PLA2G4C: variants seen among roughly 807,000 people sequenced by gnomAD.
PLA2G4C encodes the protein cytosolic phospholipase A2 gamma.
PLA2G4C carries 64 observed loss-of-function variants against 73.8 expected under a neutral mutation model. The observed-to-expected ratio is 0.87, with a 90% CI of 0.71 to 1.07. The LOEUF is 1.07. Ranked by LOEUF, PLA2G4C falls within the 50% of genes least tolerant of loss-of-function variation. The pLI is 0.00. For synonymous variants in PLA2G4C, 254 were observed against 252.1 expected, an observed-to-expected ratio of 1.01 and a Z score of -0.07; for missense variants, 622 against 665.4, an observed-to-expected ratio of 0.93 and a Z score of 0.72.
intron 7 of PLA2G4C, among the ~76,000 whole-genome samples, chr19:48,091,958 A>C (rs2122636777): frequency 6.6e-6 from 1 of 151,874 alleles, no homozygotes; most frequent in Middle Eastern, 3.4e-3. Context: ...CCAGAAAACA[A>C]TAAGTGTTGA....
chr19:48,078,495 G>T (rs1466195378), intron 10 of PLA2G4C, among the ~76,000 whole-genome samples: 1 of 152,104 alleles, frequency 6.6e-6, no homozygotes, highest in Non-Finnish European at 1.5e-5. Flanking sequence ...AAGCTCCTAG[G>T]TCTGATGAAT....
chr19:48,106,492 C>T, intron 2 of PLA2G4C, 30 bp downstream of exon 2: 1 of 1,553,734 alleles, frequency 6.4e-7, no homozygotes. Flanking sequence ...GCTCTGCTTC[C>T]CCATAGTGGT....
At chr19:48,091,756 G>A (rs917078357) in intron 7 of PLA2G4C, among the ~76,000 whole-genome samples, 1 of 151,908 alleles carries the variant, frequency 6.6e-6, no homozygotes, top group South Asian at 2.1e-4. Flanking sequence ...CAGGCCTGGT[G>A]GTATGCACCT....
At chr19:48,107,005 C>T (rs947870951) in intron 1 of PLA2G4C, among the ~76,000 whole-genome samples, 2 of 152,028 alleles carry the variant, frequency 1.3e-5, no homozygotes, top group African/African-American at 4.8e-5. Context: ...CCACCATGCC[C>T]GGCTAATTTT....
chr19:48,053,367 T>TC (rs1555740859), intron 15 of PLA2G4C, among the ~76,000 whole-genome samples: 494 of 132,408 alleles, frequency 3.7e-3, no homozygotes, highest in African/African-American at 0.013. Flanking sequence ...CTTTTTTCTT[T>TC]TTTTTTTTTT....
rs115349574 is a variant in PLA2G4C at position 48,098,226 on chromosome 19, G to C, written c.481C>G (p.Pro161Ala). 1.3e-3 allele frequency: 2,128 copies of C among 1,613,420 alleles called. 29 individuals carry two copies. In the African/African-American group the frequency reaches 0.025, roughly 19 times the overall value. Residue 161 changes from proline to alanine, a missense_variant, in exon 6 of 17, where the codon CCC becomes GCC. By Grantham distance (27) the Pro-to-Ala change is conservative (BLOSUM62 -1). Coordinates refer to ENST00000599921, the MANE Select transcript of PLA2G4C (RefSeq NM_003706.3). ...PESHLSNMKK[P>A]VEEGTLPYPI... ...TAGGGTAGTGTCCCTTCTTCCACGG[G>C]CTTCTTCATATTGGACAAATGAGAC...
chr19:48,064,992 G>A (rs1968354025), intron 13 of PLA2G4C: 1 of 152,186 alleles, frequency 6.6e-6, no homozygotes, highest in Non-Finnish European at 1.5e-5. Flanking sequence ...GACTAAGACA[G>A]TACCTCTGGG....
rs145997697 is a variant in PLA2G4C, at chr19:48,090,221, T to C, written c.763+143A>G. ...TCTGTGGTCATCCTGGCTGCCCAAT[T>C]ATATGAGAATAAATGTCAGGAAAAG... On this transcript the variant is annotated intron_variant, in intron 8 of 16. Coordinates refer to ENST00000599921, the MANE Select transcript of PLA2G4C (RefSeq NM_003706.3). 9.2e-4 allele frequency: 625 copies of C among 682,502 alleles called. No homozygotes were observed. The African/African-American group carries it at 0.01, about 11-fold the overall frequency. 42.3% of individuals were successfully genotyped at this position (682,502 alleles called of 1,614,324 possible). A position where few individuals can be genotyped will look rare whatever the true frequency, so the allele number is the denominator to read the frequency against.
chr19:48,070,723 A>G (rs1037622368), intron 12 of PLA2G4C, among the ~76,000 whole-genome samples: 3 of 151,908 alleles, frequency 2.0e-5, no homozygotes, highest in African/African-American at 7.2e-5. Context: ...GAGGGGAACA[A>G]CACACACTGG....
intron 12 of PLA2G4C, 68 bp downstream of exon 12, chr19:48,074,699 A>C: frequency 9.6e-7 from 1 of 1,046,494 alleles, no homozygotes; most frequent in Non-Finnish European, 1.5e-6. Flanking sequence ...GGGGTGGGGA[A>C]GAGCAAGAGG....
At position 48,110,569 on chromosome 19, in the gene PLA2G4C, CT is replaced by C; in HGVS notation, c.-116del. 6.9e-7 allele frequency: 1 copy of C among 1,454,462 alleles called. No homozygotes were observed. 90.1% of individuals were successfully genotyped at this position (1,454,462 alleles called of 1,614,324 possible). The stretch of plus-strand genomic sequence containing the variant: ...GGTGCGGAGGCTTGGGCTCCCTGCG[CT>C]TAGCGGTGTAGTCGCTGGACAGCTC... On this transcript the variant is annotated 5_prime_UTR_variant, in exon 1 of 17. Coordinates refer to ENST00000599921, the MANE Select transcript of PLA2G4C (RefSeq NM_003706.3).
chr19:48,077,763 A>G lies in PLA2G4C; in HGVS notation c.898+8T>C. 1 of 1,601,604 alleles carries G rather than the reference A, an allele frequency of 6.2e-7. No individual in the cohort carries two copies. Among genetic ancestry groups the G allele is most frequent in the Non-Finnish European group, 8.5e-7 (1 of 1,172,320 alleles). On this transcript the variant is annotated splice_region_variant and intron_variant, in intron 11 of 16. Coordinates refer to ENST00000599921, the MANE Select transcript of PLA2G4C (RefSeq NM_003706.3). Reference sequence around the variant, plus strand: ...CATTAGGGATTCATGGCAAAGTAGGATGCTTACCTTCTGGGGGAGGATGTT... The same window carrying G: ...CATTAGGGATTCATGGCAAAGTAGGGTGCTTACCTTCTGGGGGAGGATGTT...
intron 14 of PLA2G4C, among the ~76,000 whole-genome samples, chr19:48,057,483 C>CTTCTT (rs1967996620): frequency 1.1e-4 from 2 of 17,926 alleles, no homozygotes; most frequent in African/African-American, 1.6e-4. Context: ...TCTTCTTCTT[C>CTTCTT]TTTTTTTTTT....
chr19:48,109,375 G>A (rs546066148), intron 1 of PLA2G4C, among the ~76,000 whole-genome samples: 33 of 151,902 alleles, frequency 2.2e-4, no homozygotes, highest in Non-Finnish European at 4.3e-4. Context: ...GGGCTCAAGC[G>A]AGCCTCTCAC....
At chr19:48,059,853 C>A (rs1774226885) in intron 14 of PLA2G4C, among the ~76,000 whole-genome samples, 2 of 150,654 alleles carry the variant, frequency 1.3e-5, no homozygotes, top group Admixed American at 1.3e-4. Flanking sequence ...ACTGCAACCT[C>A]CGCCTCCTGG....
intron 10 of PLA2G4C, among the ~76,000 whole-genome samples, chr19:48,083,216 A>T (rs1319205148): frequency 1.3e-5 from 2 of 152,142 alleles, no homozygotes; most frequent in African/African-American, 4.8e-5. Flanking sequence ...CTTTACATAC[A>T]TGAGGTCATT....
intron 12 of PLA2G4C, 176 bp downstream of exon 12, chr19:48,074,591 T>C (rs959336420): frequency 1.6e-6 from 1 of 616,938 alleles, no homozygotes. Context: ...CTAATTTACA[T>C]TGGGGGATTA....
In PLA2G4C at chr19:48,062,109, G is replaced by C. The variant is rs969291863; in HGVS notation, c.1146C>G (p.His382Gln). 7 of 1,608,386 alleles carry C rather than the reference G, an allele frequency of 4.4e-6. No homozygotes were observed. The highest frequency in any genetic ancestry group is 5.9e-6 in the Non-Finnish European group (7 of 1,176,978). ...TGATGGCTAAACCAGCATCCACCAG[G>C]TGGAGGTGCTTCCGGCTGCTCATTA... ...DKIMSSRKHL[H>Q]LVDAGLAINT... is the part of the protein sequence containing the mutation. Residue 382 changes from histidine (H) to glutamine (Q), a missense_variant, in exon 14 of 17, where the codon CAC becomes CAG. Transcript: ENST00000599921.
rs771530426 is a variant in PLA2G4C, at chr19:48,104,643, C to G, written c.202G>C (p.Glu68Gln). 1.1e-5 allele frequency: 18 copies of G among 1,614,146 alleles called. No homozygotes were observed. Among genetic ancestry groups the G allele is most frequent in the Non-Finnish European group, 1.5e-5 (18 of 1,180,008 alleles). Residue 68 changes from glutamate (E) to glutamine (Q), a missense_variant, in exon 4 of 17, where the codon GAA (glutamate) becomes CAA (glutamine). Transcript: ENST00000599921. ...ACLGVLSEMK[E>Q]QGLLDAVTYL... is the part of the protein sequence containing the mutation. ...GTGACGGCATCCAACAGGCCCTGTT[C>G]TTTCATCTCACTCAGGACCCCAAGG... is the stretch of plus-strand genomic sequence containing the variant.
Sources: allele counts gnomAD v4.1 joint callset (sites outside exome capture counted in the v4.1 genomes callset), GRCh38; gene constraint gnomAD v4.1.1; transcripts MANE v1.5; gene names NCBI Gene and HGNC (gene_info 2026-07-23, HGNC 2026-07-21).